Variants in ZNF804B observed in about 807,000 individuals in gnomAD.
ZNF804B encodes zinc finger protein 804B.
A neutral mutation model predicts 101.4 loss-of-function variants in ZNF804B; 80 were observed. That is an observed-to-expected ratio of 0.79 (90% CI 0.66 to 0.95). ZNF804B has a LOEUF of 0.95. ZNF804B is among the 40% of genes least tolerant of loss of function. The probability of loss-of-function intolerance (pLI) is 0.00; values close to 1 mark genes in which losing one functional copy is unlikely to be tolerated. For missense variants in ZNF804B, 1,673 were observed against 1,561.9 expected (o/e 1.07, Z -1.20); for synonymous variants, 622 against 558.8 (o/e 1.11, Z -1.59).
At chr7:89,143,013 C>T (rs188601474) in intron 1 of ZNF804B, among the ~76,000 whole-genome samples, 2 of 152,024 alleles carry the variant, frequency 1.3e-5, no homozygotes, top group African/African-American at 2.4e-5. Flanking sequence ...TTACAAAACT[C>T]AGAGGACTTT....
Position 89,334,854 on chromosome 7 carries a change from C to T in ZNF804B, c.1872C>T (p.Asp624=). Residue 624 remains aspartate (D), a synonymous_variant, in exon 4 of 4, where the codon GAC becomes GAT. Coordinates refer to ENST00000333190, the MANE Select transcript of ZNF804B (RefSeq NM_181646.5). ...CAGTTCTAAATGATATAGATGAGGA[C>T]CTATCTTTTCCTTCCTACATCTCTA... The part of the protein sequence containing the change: ...RKAVLNDIDE[D]LSFPSYISRF... 6.2e-7 allele frequency: 1 copy of T among 1,613,800 alleles called. No homozygotes were observed. Among genetic ancestry groups the T allele is most frequent in the Non-Finnish European group, 8.5e-7 (1 of 1,179,862 alleles).
chr7:89,256,764 T>G (rs1052367888), intron 2 of ZNF804B, among the ~76,000 whole-genome samples: 2 of 152,104 alleles, frequency 1.3e-5, no homozygotes, highest in Non-Finnish European at 2.9e-5. Flanking sequence ...TACATGAAAG[T>G]TAAGTGAGTG....
chr7:89,240,273 A>T (rs778003385), intron 2 of ZNF804B, among the ~76,000 whole-genome samples: 37 of 152,038 alleles, frequency 2.4e-4, no homozygotes, highest in Non-Finnish European at 3.7e-4. Flanking sequence ...TTGAATAAGT[A>T]CTTTAGCTTC....
chr7:88,972,074 G>A (rs1295707170), intron 1 of ZNF804B, among the ~76,000 whole-genome samples: 2 of 151,520 alleles, frequency 1.3e-5, no homozygotes, highest in Non-Finnish European at 1.5e-5. Context: ...TCCTCCAGAA[G>A]TATTTAGTTG....
chr7:89,074,239 C>T (rs184566548), intron 1 of ZNF804B, among the ~76,000 whole-genome samples: 182 of 152,296 alleles, frequency 1.2e-3, no homozygotes, highest in African/African-American at 4.3e-3. Flanking sequence ...ATATTCTTCC[C>T]TCTCTTTCTA....
chr7:88,967,530 C>T (rs543639304), intron 1 of ZNF804B, among the ~76,000 whole-genome samples: 1 of 151,570 alleles, frequency 6.6e-6, no homozygotes, highest in African/African-American at 2.4e-5. Flanking sequence ...GTTAATGTCT[C>T]AGGTTGATGA....
At chr7:89,321,277 G>T (rs1055516323) in intron 2 of ZNF804B, among the ~76,000 whole-genome samples, 1 of 152,042 alleles carries the variant, frequency 6.6e-6, no homozygotes, top group African/African-American at 2.4e-5. Flanking sequence ...TCAGGAGATC[G>T]AGACTGTCCT....
At chr7:89,092,617 T>C (rs1396828245) in intron 1 of ZNF804B, among the ~76,000 whole-genome samples, 1 of 152,000 alleles carries the variant, frequency 6.6e-6, no homozygotes, top group African/African-American at 2.4e-5. Context: ...TTCACCATAT[T>C]GGCCAGGATG....
intron 1 of ZNF804B, among the ~76,000 whole-genome samples, chr7:89,183,281 A>G (rs544631896): frequency 1.3e-5 from 2 of 152,214 alleles, no homozygotes; most frequent in East Asian, 3.9e-4. Context: ...CAAAAAGTGT[A>G]CCGAAGCCAG....
intron 2 of ZNF804B, among the ~76,000 whole-genome samples, chr7:89,254,424 TACATAC>T (rs1016189292): frequency 4.0e-5 from 6 of 151,162 alleles, no homozygotes; most frequent in Admixed American, 3.9e-4. Context: ...GGAAGAAGAC[TACATAC>T]AATTTTATGG....
chr7:89,329,130 C>T (rs2115986858), intron 3 of ZNF804B, among the ~76,000 whole-genome samples: 1 of 151,900 alleles, frequency 6.6e-6, no homozygotes, highest in Admixed American at 6.6e-5. Context: ...ATTCACTAAA[C>T]AAACACAAAC....
At chr7:89,110,009 A>G (rs1347660957) in intron 1 of ZNF804B, among the ~76,000 whole-genome samples, 1 of 152,168 alleles carries the variant, frequency 6.6e-6, no homozygotes, top group Non-Finnish European at 1.5e-5. Context: ...ACAAAAATAC[A>G]CAGCATTTGC....
At chr7:88,976,775 A>C (rs535492159) in intron 1 of ZNF804B, among the ~76,000 whole-genome samples, 2 of 151,756 alleles carry the variant, frequency 1.3e-5, no homozygotes, top group East Asian at 3.9e-4. Context: ...TACTATATTA[A>C]ATAACAGGGA....
intron 2 of ZNF804B, among the ~76,000 whole-genome samples, chr7:89,267,134 T>C (rs1789808859): frequency 1.3e-5 from 2 of 152,172 alleles, no homozygotes; most frequent in Admixed American, 6.5e-5. Flanking sequence ...TTCCCTCCTT[T>C]TCATTTGTTG....
At chr7:89,084,367 G>A (rs1789741221) in intron 1 of ZNF804B, among the ~76,000 whole-genome samples, 1 of 151,940 alleles carries the variant, frequency 6.6e-6, no homozygotes, top group African/African-American at 2.4e-5. Context: ...TACTGAAAGA[G>A]AGGTTAAATG....
At chr7:89,274,767 A>G (rs1034947256) in intron 2 of ZNF804B, among the ~76,000 whole-genome samples, 1 of 151,546 alleles carries the variant, frequency 6.6e-6, no homozygotes, top group Non-Finnish European at 1.5e-5. Context: ...TTCCCTTCTC[A>G]TTTACTTATT....
intron 1 of ZNF804B, among the ~76,000 whole-genome samples, chr7:89,099,858 C>T (rs1790027972): frequency 6.6e-6 from 1 of 152,070 alleles, no homozygotes; most frequent in South Asian, 2.1e-4. Context: ...ACAGTGAGGA[C>T]TGGACTGAAC....
intron 1 of ZNF804B, among the ~76,000 whole-genome samples, chr7:89,196,052 A>G (rs1159976025): frequency 1.3e-5 from 2 of 152,088 alleles, no homozygotes; most frequent in South Asian, 4.1e-4. Flanking sequence ...AGAAAAAACT[A>G]TCTTAGAATT....
At chr7:88,833,273 G>C (rs28665342) in intron 1 of ZNF804B, among the ~76,000 whole-genome samples, 1 of 151,626 alleles carries the variant, frequency 6.6e-6, no homozygotes, top group Non-Finnish European at 1.5e-5. Context: ...TCTAACTTCA[G>C]AATATTTGAG....
Sources: allele counts gnomAD v4.1 joint callset (sites outside exome capture counted in the v4.1 genomes callset), GRCh38; gene constraint gnomAD v4.1.1; transcripts MANE v1.5; gene names NCBI Gene and HGNC (gene_info 2026-07-23, HGNC 2026-07-21).